The following INPP5D variants were observed in gnomAD, a reference collection of about 807,000 sequenced individuals.
INPP5D encodes inositol polyphosphate-5-phosphatase D.
In INPP5D, 33 loss-of-function variants were observed where a neutral mutation model predicts 122.9. The ratio of observed to expected loss-of-function variants is 0.27; its 90% CI spans 0.20 to 0.36. The LOEUF is 0.36. Among genes scored for constraint, INPP5D ranks in the 10% least tolerant of loss-of-function variants. The pLI is 1.00. For synonymous variants in INPP5D, 584 were observed against 576.2 expected, an observed-to-expected ratio of 1.01 and a Z score of -0.19; for missense variants, 1,053 against 1,412.7, an observed-to-expected ratio of 0.75 and a Z score of 4.08.
chr2:233,187,288 T>C (rs1694945728), intron 21 of INPP5D, among the ~76,000 whole-genome samples: 1 of 152,168 alleles, frequency 6.6e-6, no homozygotes, highest in African/African-American at 2.4e-5. Flanking sequence ...AGCTTATTAG[T>C]TGTTCATGCT....
chr2:233,131,411 G>A (rs773276672), intron 5 of INPP5D, among the ~76,000 whole-genome samples: 6 of 152,038 alleles, frequency 3.9e-5, no homozygotes, highest in Non-Finnish European at 8.8e-5. Flanking sequence ...CAAATGAAAG[G>A]TCAGGCCGGG....
At chr2:233,169,859 T>C (rs1250953254) in intron 14 of INPP5D, 167 bp from the exon 15 acceptor site, 9 of 1,317,070 alleles carry the variant, frequency 6.8e-6, no homozygotes, top group Non-Finnish European at 7.3e-6. Flanking sequence ...GGCTGTGCCA[T>C]ATTTGCACAC....
intron 2 of INPP5D, among the ~76,000 whole-genome samples, chr2:233,097,239 A>AAC (rs1692170176): frequency 6.6e-6 from 1 of 151,386 alleles, no homozygotes; most frequent in African/African-American, 2.4e-5. Flanking sequence ...GGTTTAATCG[A>AAC]GGTGGCTTTC....
intron 6 of INPP5D, among the ~76,000 whole-genome samples, chr2:233,144,685 A>AG (rs1693710576): frequency 1.1e-5 from 1 of 91,100 alleles, no homozygotes; most frequent in Non-Finnish European, 2.6e-5. Flanking sequence ...GGTGATGGTG[A>AG]GGGTGGAGGT....
At position 233,189,162 on chromosome 2, in the gene INPP5D, C is replaced by A. The variant is rs190309791; in HGVS notation, c.2359-688C>A. On this transcript the variant is annotated intron_variant, in intron 21 of 26. Transcript: ENST00000445964. This position sits in a 1 kb window ranked among gnomAD's most constrained non-coding sequence, Gnocchi z 5.6. The stretch of plus-strand genomic sequence containing the variant: ...TGCAAAGCCTGTTAGCAGCCACCCC[C>A]GCTGCCAGCCAGGCCAGCAGGGCCT... 2.6e-5 allele frequency among the ~76,000 whole-genome samples: 4 copies of A among 152,330 alleles called. No homozygotes were observed. The highest frequency in any genetic ancestry group is 9.6e-5 in the African/African-American group (4 of 41,566).
At chr2:233,120,660 C>T (rs1455338801) in intron 2 of INPP5D, 1 of 152,286 alleles carries the variant, frequency 6.6e-6, no homozygotes, top group African/African-American at 2.4e-5. Context: ...CAGCCTGACC[C>T]CTTGCTCCTG....
intron 2 of INPP5D, among the ~76,000 whole-genome samples, chr2:233,087,600 C>A (rs754552294): frequency 6.6e-6 from 1 of 152,216 alleles, no homozygotes; most frequent in Non-Finnish European, 1.5e-5. Flanking sequence ...GCTGGGATTA[C>A]AGGTGTGAGC....
At chr2:233,070,874 G>C (rs1166367201) in intron 1 of INPP5D, among the ~76,000 whole-genome samples, 1 of 152,122 alleles carries the variant, frequency 6.6e-6, no homozygotes, top group Admixed American at 6.5e-5. Context: ...CACAGTACTT[G>C]GTAAAAACAA....
intron 2 of INPP5D, among the ~76,000 whole-genome samples, chr2:233,079,954 A>T (rs906616165): frequency 6.6e-6 from 1 of 152,152 alleles, no homozygotes; most frequent in Non-Finnish European, 1.5e-5. Context: ...TTTGAGACAG[A>T]GTTTCACTCT....
At position 233,177,874 on chromosome 2, in the gene INPP5D, C is replaced by G. The variant is rs1188759312; in HGVS notation, c.2071+528C>G. 6.6e-6 allele frequency among the ~76,000 whole-genome samples: 1 copy of G among 152,136 alleles called. No homozygotes were observed. Among genetic ancestry groups the G allele is most frequent in the African/African-American group, 2.4e-5 (1 of 41,424 alleles). On this transcript the variant is annotated intron_variant, in intron 18 of 26. Transcript: ENST00000445964. This position sits in a 1 kb window ranked among gnomAD's most constrained non-coding sequence, Gnocchi z 4.2. ...ACAGGCATGAGCCACCGCGGCCGAC[C>G]CGGAGCACTTTTTTAAAAATTCAGT...
intron 17 of INPP5D, among the ~76,000 whole-genome samples, chr2:233,172,986 A>G (rs901504192): frequency 6.6e-6 from 1 of 152,294 alleles, no homozygotes; most frequent in South Asian, 2.1e-4. Context: ...AGGTGGGTGG[A>G]TCACTTGAGG....
chr2:233,200,969 TAAATAAATAAATAAATAAATA>T (rs1695314470), intron 25 of INPP5D, among the ~76,000 whole-genome samples: 1 of 79,756 alleles, frequency 1.3e-5, no homozygotes, highest in African/African-American at 6.3e-5. Context: ...TCAAAATAAA[TAAATAAATAAATAAATAAATA>T]AATAAATAAA....
intron 1 of INPP5D, among the ~76,000 whole-genome samples, chr2:233,063,779 C>CAGGG (rs1691136726): frequency 6.6e-6 from 1 of 152,242 alleles, no homozygotes; most frequent in Non-Finnish European, 1.5e-5. Context: ...CCAACTCTGC[C>CAGGG]GTCTTTCAGC....
intron 6 of INPP5D, 48 bp from the exon 7 acceptor site, chr2:233,146,114 G>C: frequency 1.4e-6 from 1 of 704,138 alleles, no homozygotes; most frequent in Non-Finnish European, 2.6e-6. Context: ...CCTCTCGATG[G>C]TTCAGGTTCA....
At chr2:233,135,306 C>G (rs1273337500) in intron 5 of INPP5D, among the ~76,000 whole-genome samples, 1 of 151,996 alleles carries the variant, frequency 6.6e-6, no homozygotes, top group Non-Finnish European at 1.5e-5. Flanking sequence ...AGTGATCCTC[C>G]TGCCTTTAAC....
At chr2:233,152,024 G>T (rs889287388) in intron 9 of INPP5D, among the ~76,000 whole-genome samples, 3 of 152,234 alleles carry the variant, frequency 2.0e-5, no homozygotes, top group African/African-American at 7.2e-5. Context: ...AGGCAGTGTG[G>T]TTCAAGAGTG....
rs543898643 is a variant in INPP5D, at chr2:233,060,386, C to T, written c.-93C>T. ...GCCGAGGCCACCAAGAGGCAACGGG[C>T]GGCAGGTTGCAGTGGAGGGGCCTCC... On this transcript the variant is annotated 5_prime_UTR_variant, in exon 1 of 27. Coordinates refer to ENST00000445964, the MANE Select transcript of INPP5D (RefSeq NM_001017915.3). The T allele has an allele frequency of 6.4e-6, 9 of 1,405,232 alleles. No individual in the cohort carries two copies. The highest frequency in any genetic ancestry group is 2.8e-5 in the South Asian group (2 of 72,546). The allele number at this position is 1,405,232 out of a possible 1,614,324, so 87.0% of individuals were successfully genotyped here. A position where few individuals can be genotyped will look rare whatever the true frequency, so the allele number is the denominator to read the frequency against.
intron 1 of INPP5D, among the ~76,000 whole-genome samples, chr2:233,067,604 C>T (rs1051211561): frequency 1.3e-5 from 2 of 152,224 alleles, no homozygotes; most frequent in African/African-American, 4.8e-5. Flanking sequence ...CTTTGAGGAA[C>T]AGCTAAACTG....
rs767274203 is a variant in INPP5D at position 233,163,813 on chromosome 2, C to T, written c.1347C>T (p.Ile449=). 48 of 1,613,796 alleles carry T rather than the reference C, an allele frequency of 3.0e-5. No homozygotes were observed. Among genetic ancestry groups the T allele is most frequent in the African/African-American group, 4.0e-5 (3 of 74,900 alleles). ...ACATCCCCCATGACATTTACGTGATCGGCACCCAAGAGGACCCCCTGAGTG... is the reference window on the plus strand; with the variant it reads ...ACATCCCCCATGACATTTACGTGATTGGCACCCAAGAGGACCCCCTGAGTG... The part of the protein sequence containing the change: ...ADYIPHDIYV[I]GTQEDPLSEK... The change falls in exon 12 of 27, where the codon ATC becomes ATT. Residue 449 remains isoleucine, a synonymous_variant. Transcript: ENST00000445964.
Sources: gnomAD v4.1 joint callset for allele counts (sites outside exome capture counted in the v4.1 genomes callset) on GRCh38, gnomAD v4.1.1 for gene constraint, Gnocchi (gnomAD v3.1) non-coding constraint, MANE v1.5 for transcripts, NCBI Gene and HGNC (gene_info 2026-07-23, HGNC 2026-07-21) for gene names.